PRKG1: variants seen among roughly 807,000 people sequenced by gnomAD.
The protein encoded by PRKG1 is cGMP-dependent protein kinase 1.
PRKG1 carries 35 observed loss-of-function variants against 88.1 expected under a neutral mutation model. The observed-to-expected ratio is 0.40, with a 90% confidence interval of 0.30 to 0.53. The LOEUF (loss-of-function observed/expected upper bound fraction) is 0.53, where lower values mean the gene tolerates loss of function less well. PRKG1 is among the 20% of genes least tolerant of loss of function. PRKG1 has a pLI of 0.59. For missense variants in PRKG1, 540 were observed against 839.8 expected (o/e 0.64, Z 4.41); for synonymous variants, 303 against 292.5 (o/e 1.04, Z -0.37).
chr10:51,299,539 G>A (rs1840818055), intron 2 of PRKG1: 1 of 469,608 alleles, frequency 2.1e-6, no homozygotes, highest in Admixed American at 2.4e-5. Context: ...AGGAACTTTG[G>A]TAGAACTTTC....
chr10:52,031,543 A>C (rs1845474500), intron 5 of PRKG1, among the ~76,000 whole-genome samples: 1 of 152,226 alleles, frequency 6.6e-6, no homozygotes, highest in African/African-American at 2.4e-5. Flanking sequence ...GTGATTTTAC[A>C]AAACAATGCA....
intron 9 of PRKG1, chr10:52,230,710 T>C (rs1025751779): frequency 2.0e-5 from 3 of 152,190 alleles, no homozygotes; most frequent in African/African-American, 7.2e-5. Flanking sequence ...GCTTTATAGC[T>C]TATAGAAAAC....
Position 51,854,866 on chromosome 10 carries a change from A to G in PRKG1, c.698+50176A>G, listed in dbSNP as rs1197140503. On this transcript the variant is annotated intron_variant, in intron 4 of 17. Transcript: ENST00000373980. ...TGCAAAAAATGTGCAAAAAATATAT[A>G]TACTGAGTGAAGGACTTGCGCCCAC... Among the ~76,000 whole-genome samples the G allele has an allele frequency of 2.0e-5, 3 of 152,186 alleles. No individual in the cohort carries two copies. The South Asian group carries it at 6.2e-4, about 31-fold the overall frequency.
intron 3 of PRKG1, among the ~76,000 whole-genome samples, chr10:51,636,027 T>G (rs1839647644): frequency 6.6e-6 from 1 of 152,204 alleles, no homozygotes; most frequent in Admixed American, 6.5e-5. Flanking sequence ...ATGGTAGCAC[T>G]TAACATTTAT....
chr10:52,067,791 C>G (rs1846389896), intron 7 of PRKG1, among the ~76,000 whole-genome samples: 1 of 151,620 alleles, frequency 6.6e-6, no homozygotes, highest in Non-Finnish European at 1.5e-5. Flanking sequence ...TTACTTTTTA[C>G]AGAAGTACTC....
rs140976046 is a variant in PRKG1, at chr10:52,139,296, A to G, written c.1001+5391A>G. ...TATTAAAATGGTTTTTTGTTCCTTT[A>G]CCAGTACTAGTAGGAAAACCTCAGT... On this transcript the variant is annotated intron_variant, in intron 8 of 17. Coordinates refer to ENST00000373980, the MANE Select transcript of PRKG1 (RefSeq NM_006258.4). 4.9e-3 allele frequency among the ~76,000 whole-genome samples: 746 copies of G among 152,234 alleles called. 5 individuals are homozygous for G. Among genetic ancestry groups the G allele is most frequent in the Middle Eastern group, 0.01 (3 of 294 alleles).
chr10:51,414,846 A>C (rs1347117989), intron 2 of PRKG1, among the ~76,000 whole-genome samples: 1 of 152,216 alleles, frequency 6.6e-6, no homozygotes, highest in Admixed American at 6.5e-5. Context: ...TAAATAACTA[A>C]AAATTTTAAT....
chr10:51,878,444 T>C (rs7921347), intron 4 of PRKG1, among the ~76,000 whole-genome samples: 115,245 of 152,028 alleles, frequency 0.76, 44,171 homozygotes, highest in African/African-American at 0.87. Context: ...AGAAAGTGGA[T>C]GTAAAAATAT....
intron 9 of PRKG1, among the ~76,000 whole-genome samples, chr10:52,183,772 G>C (rs369743213): frequency 6.6e-6 from 1 of 152,192 alleles, no homozygotes; most frequent in Non-Finnish European, 1.5e-5. Flanking sequence ...GAGGGAGTGC[G>C]CATGTTGTGT....
chr10:51,554,786 TG>T (rs1029602224), intron 3 of PRKG1, among the ~76,000 whole-genome samples: 57 of 151,904 alleles, frequency 3.8e-4, no homozygotes, highest in African/African-American at 1.3e-3. Context: ...AGCAAACATT[TG>T]TTAAATCCAT....
chr10:51,133,951 C>T (rs1845632182), intron 1 of PRKG1, among the ~76,000 whole-genome samples: 1 of 152,126 alleles, frequency 6.6e-6, no homozygotes, highest in African/African-American at 2.4e-5. Context: ...TGGATCTTGA[C>T]ATAATAAAAC....
At chr10:52,167,192 T>C (rs1475310384) in intron 9 of PRKG1, among the ~76,000 whole-genome samples, 1 of 151,944 alleles carries the variant, frequency 6.6e-6, no homozygotes, top group Non-Finnish European at 1.5e-5. Flanking sequence ...CACTGGAAGC[T>C]TCCAGTCATG....
chr10:51,019,359 A>G (rs527972177), intron 1 of PRKG1, among the ~76,000 whole-genome samples: 3 of 152,162 alleles, frequency 2.0e-5, no homozygotes, highest in African/African-American at 7.2e-5. Context: ...TGATCAGTTG[A>G]CTTTTGACAA....
intron 2 of PRKG1, among the ~76,000 whole-genome samples, chr10:51,365,843 A>G (rs1343641677): frequency 9.9e-5 from 15 of 151,930 alleles, no homozygotes. Context: ...GAATAAACTT[A>G]TCCCCAAGTA....
At chr10:51,978,728 G>T (rs1360881428) in intron 5 of PRKG1, among the ~76,000 whole-genome samples, 1 of 151,638 alleles carries the variant, frequency 6.6e-6, no homozygotes, top group African/African-American at 2.4e-5. Context: ...GTCATTTGGG[G>T]ATGGGACTGC....
chr10:51,811,305 C>T (rs977804234), intron 4 of PRKG1, among the ~76,000 whole-genome samples: 5 of 152,064 alleles, frequency 3.3e-5, no homozygotes, highest in African/African-American at 1.2e-4. Context: ...TAACTATATA[C>T]CTTTATTTTC....
intron 3 of PRKG1, among the ~76,000 whole-genome samples, chr10:51,621,007 G>GTATATA (rs370817382): frequency 0.082 from 9,983 of 121,932 alleles, 477 homozygotes; most frequent in Non-Finnish European, 0.089. Flanking sequence ...GTGTATATGT[G>GTATATA]TGTATATATA....
chr10:52,061,747 G>A (rs1032109930), intron 6 of PRKG1, among the ~76,000 whole-genome samples: 1 of 152,030 alleles, frequency 6.6e-6, no homozygotes, highest in Admixed American at 6.6e-5. Flanking sequence ...GGGCCTATAT[G>A]TAATTTATAT....
chr10:52,005,434 G>T (rs1399344100), intron 5 of PRKG1, among the ~76,000 whole-genome samples: 8 of 151,966 alleles, frequency 5.3e-5, no homozygotes, highest in Non-Finnish European at 7.4e-5. Flanking sequence ...GCTTCCTATT[G>T]TCCTGAGAAA....
Sources: allele counts gnomAD v4.1 joint callset (sites outside exome capture counted in the v4.1 genomes callset), GRCh38; gene constraint gnomAD v4.1.1; transcripts MANE v1.5; gene names NCBI Gene and HGNC (gene_info 2026-07-23, HGNC 2026-07-21).